Variants in SEL1L2 observed in about 807,000 individuals in gnomAD.
SEL1L2 encodes protein sel-1 homolog 2.
Under a neutral mutation model 98.8 loss-of-function variants are expected in SEL1L2, and 89 were observed. That is an observed-to-expected ratio of 0.90 (90% CI 0.76 to 1.07). SEL1L2 has a LOEUF of 1.07. Among genes scored for constraint, SEL1L2 ranks in the 50% least tolerant of loss-of-function variants. The pLI is 0.00. For missense variants in SEL1L2, 788 were observed against 812.0 expected, an observed-to-expected ratio of 0.97 and a Z score of 0.36; for synonymous variants, 262 against 278.5, an observed-to-expected ratio of 0.94 and a Z score of 0.59.
At chr20:13,914,806 G>T (rs1373266862) in intron 4 of SEL1L2, among the ~76,000 whole-genome samples, 1 of 152,120 alleles carries the variant, frequency 6.6e-6, no homozygotes, top group Non-Finnish European at 1.5e-5. Flanking sequence ...CTATAATTAG[G>T]TGGTAAGTAG....
In SEL1L2 at chr20:13,879,337, G is replaced by C. The variant is rs546139315; in HGVS notation, c.958-1749C>G. Among the ~76,000 whole-genome samples, 4 of 152,134 alleles carry C rather than the reference G, an allele frequency of 2.6e-5. No homozygotes were observed. In the South Asian group the frequency reaches 8.3e-4, roughly 32 times the overall value. ...AAACAATCTTGAAGACTAAGCTAAG[G>C]ATTTTATTTTTTTAATTAAAAAAAA... On this transcript the variant is annotated intron_variant, in intron 10 of 19. Coordinates refer to ENST00000284951, the MANE Select transcript of SEL1L2 (RefSeq NM_025229.2).
chr20:13,985,651 A>T (rs1417145930), intron 1 of SEL1L2, among the ~76,000 whole-genome samples: 2 of 152,306 alleles, frequency 1.3e-5, no homozygotes, highest in East Asian at 3.9e-4. Context: ...TATATCCCCA[A>T]TACTCCTGGT....
intron 1 of SEL1L2, among the ~76,000 whole-genome samples, chr20:13,957,689 G>A (rs541816176): frequency 6.6e-6 from 1 of 152,214 alleles, no homozygotes; most frequent in Non-Finnish European, 1.5e-5. Context: ...ACGAGCCTGG[G>A]CAACATAGTG....
At chr20:13,938,695 T>G (rs935742503) in intron 2 of SEL1L2, among the ~76,000 whole-genome samples, 1 of 152,138 alleles carries the variant, frequency 6.6e-6, no homozygotes, top group Non-Finnish European at 1.5e-5. Context: ...CAAATTAACC[T>G]CTCTGTGACT....
chr20:13,916,499 T>G (rs1380246927), intron 4 of SEL1L2, among the ~76,000 whole-genome samples: 1 of 152,144 alleles, frequency 6.6e-6, no homozygotes, highest in East Asian at 1.9e-4. Flanking sequence ...AGTTCTCCAT[T>G]GCTACCGACT....
intron 3 of SEL1L2, among the ~76,000 whole-genome samples, chr20:13,923,569 CA>C (rs2048752520): frequency 6.6e-6 from 1 of 152,138 alleles, no homozygotes. Flanking sequence ...GCCTGGGCAA[CA>C]TGGTGAAACC....
chr20:13,919,924 CAA>C (rs10655831), intron 3 of SEL1L2, among the ~76,000 whole-genome samples: 3 of 130,170 alleles, frequency 2.3e-5, no homozygotes, highest in Non-Finnish European at 3.3e-5. Context: ...GACTCCGTCT[CAA>C]AAAAAAAAAA....
At chr20:13,855,049 C>CAAA (rs71188190) in intron 18 of SEL1L2, among the ~76,000 whole-genome samples, 3 of 81,086 alleles carry the variant, frequency 3.7e-5, no homozygotes, top group Admixed American at 1.5e-4. Context: ...GACTCCGTCT[C>CAAA]AAAAAAAAAA....
chr20:13,849,403 T>A lies in SEL1L2; in HGVS notation c.*82A>T. ...GCGGGAAACTGCAGCGGACTCTTGA[T>A]TTGGATGGGAAACTGTTTATTTAGT... On this transcript the variant is annotated 3_prime_UTR_variant, in exon 20 of 20. Transcript: ENST00000284951. 1 of 1,544,308 alleles carries A rather than the reference T, an allele frequency of 6.5e-7. No individual in the cohort carries two copies. Among genetic ancestry groups the A allele is most frequent in the Non-Finnish European group, 8.8e-7 (1 of 1,133,974 alleles).
chr20:13,983,047 A>AAAAAAAAAAAAAAAAAAAAAAAC (rs1569086282), intron 1 of SEL1L2, among the ~76,000 whole-genome samples: 1 of 144,200 alleles, frequency 6.9e-6, no homozygotes, highest in Non-Finnish European at 1.5e-5. Context: ...AAAAAAAAAA[A>AAAAAAAAAAAAAAAAAAAAAAAC]AGCAGCAGCC....
chr20:13,905,871 C>CTTT (rs903449859), intron 5 of SEL1L2, among the ~76,000 whole-genome samples: 21 of 123,754 alleles, frequency 1.7e-4, no homozygotes, highest in African/African-American at 2.7e-4. Context: ...TTTTCTTTTC[C>CTTT]TTTTTTTTTT....
At chr20:13,866,010 T>G (rs1419127483) in intron 15 of SEL1L2, among the ~76,000 whole-genome samples, 1 of 152,130 alleles carries the variant, frequency 6.6e-6, no homozygotes, top group Non-Finnish European at 1.5e-5. Context: ...GGGGGACAAA[T>G]GTCAACTTAG....
chr20:13,864,659 G>T (rs1459642340), intron 17 of SEL1L2, among the ~76,000 whole-genome samples: 2 of 152,128 alleles, frequency 1.3e-5, no homozygotes, highest in Non-Finnish European at 2.9e-5. Flanking sequence ...TTTTGTTTTG[G>T]TTTGGTTTTT....
At chr20:13,861,458 T>C (rs1043223419) in intron 17 of SEL1L2, among the ~76,000 whole-genome samples, 3 of 151,780 alleles carry the variant, frequency 2.0e-5, no homozygotes, top group African/African-American at 7.3e-5. Context: ...TATATATATA[T>C]GTATAATATA....
At chr20:13,935,329 A>T (rs1374342412) in intron 2 of SEL1L2, among the ~76,000 whole-genome samples, 2 of 152,226 alleles carry the variant, frequency 1.3e-5, no homozygotes, top group Non-Finnish European at 2.9e-5. Flanking sequence ...AACCAAACAA[A>T]CAAAGTCTCT....
At chr20:13,975,446 A>G (rs1734066002) in intron 1 of SEL1L2, among the ~76,000 whole-genome samples, 1 of 152,196 alleles carries the variant, frequency 6.6e-6, no homozygotes, top group South Asian at 2.1e-4. Flanking sequence ...GGAGAATTCA[A>G]ACTTAAAATA....
At chr20:13,865,572 A>G (rs1990871023) in intron 15 of SEL1L2, 58 bp from the exon 16 acceptor site, 1 of 1,458,052 alleles carries the variant, frequency 6.9e-7, no homozygotes, top group African/African-American at 1.4e-5. Context: ...CACCCCAGGC[A>G]AATGAGAAAG....
chr20:13,913,536 G>A (rs1298499359), intron 5 of SEL1L2: 1 of 338,384 alleles, frequency 3.0e-6, no homozygotes, highest in Non-Finnish European at 5.3e-6. Flanking sequence ...GTCACCCTAA[G>A]ATAATAGACA....
At position 13,940,750 on chromosome 20, in the gene SEL1L2, A is replaced by G. The variant is rs6042440; in HGVS notation, c.115-8979T>C. On this transcript the variant is annotated intron_variant, in intron 2 of 19. Transcript: ENST00000284951. ...GGAGTTCAAGACCAGCCTGGCCAAC[A>G]TAGCAAAACCCTGGTGGCAGGCACC... Among the ~76,000 whole-genome samples, 1,179 of 152,276 alleles carry G rather than the reference A, an allele frequency of 7.7e-3. 14 individuals are homozygous for G. The highest frequency in any genetic ancestry group is 0.026 in the African/African-American group (1,096 of 41,570).
Sources: allele counts gnomAD v4.1 joint callset (sites outside exome capture counted in the v4.1 genomes callset), GRCh38; gene constraint gnomAD v4.1.1; transcripts MANE v1.5; gene names NCBI Gene and HGNC (gene_info 2026-07-23, HGNC 2026-07-21).